Variants in SNTG1 observed in about 807,000 individuals in gnomAD.
SNTG1 encodes the protein gamma-1-syntrophin.
SNTG1 carries 39 observed loss-of-function variants against 74.7 expected under a neutral mutation model. The observed-to-expected ratio is 0.52, with a 90% CI of 0.40 to 0.68. The LOEUF is 0.68. Ranked by LOEUF, SNTG1 falls within the 30% of genes least tolerant of loss-of-function variation. SNTG1 has a pLI of 0.00. For synonymous variants in SNTG1, 254 were observed against 217.1 expected, an observed-to-expected ratio of 1.17 and a Z score of -1.49; for missense variants, 685 against 609.5, an observed-to-expected ratio of 1.12 and a Z score of -1.30.
At chr8:50,097,812 A>G (rs2079986020) in intron 1 of SNTG1, among the ~76,000 whole-genome samples, 1 of 152,246 alleles carries the variant, frequency 6.6e-6, no homozygotes, top group Non-Finnish European at 1.5e-5. Flanking sequence ...GAGTCTTGGC[A>G]GTACCAGATA....
chr8:50,588,365 C>A lies in SNTG1; in HGVS notation c.811-2514C>A, dbSNP rs867965814. ...AAAATTTCTGAATACAATGGAAGCA[C>A]ATTTCTTGCTGCCACAGTGAGGGTA... On this transcript the variant is annotated intron_variant, in intron 12 of 18. Transcript: ENST00000642720. 1.1e-4 allele frequency among the ~76,000 whole-genome samples: 16 copies of A among 152,032 alleles called. No individual in the cohort carries two copies. In the East Asian group the frequency reaches 1.2e-3, roughly 11 times the overall value.
chr8:49,929,984 T>C (rs2129354962), intron 1 of SNTG1, among the ~76,000 whole-genome samples: 1 of 148,768 alleles, frequency 6.7e-6, no homozygotes, highest in Non-Finnish European at 1.5e-5. Flanking sequence ...AAAACCAAAA[T>C]AACAAAACAA....
intron 1 of SNTG1, among the ~76,000 whole-genome samples, chr8:50,154,827 G>A (rs769269922): frequency 1.4e-4 from 22 of 152,132 alleles, no homozygotes; most frequent in South Asian, 4.1e-4. Context: ...GAAATGTGGC[G>A]TGTTGGATGA....
At chr8:50,571,895 C>A (rs1161973761) in intron 12 of SNTG1, among the ~76,000 whole-genome samples, 1 of 152,078 alleles carries the variant, frequency 6.6e-6, no homozygotes, top group African/African-American at 2.4e-5. Context: ...GTTTTAGAAA[C>A]CCCTCATTCT....
At chr8:50,494,492 A>G (rs1487225106) in intron 8 of SNTG1, among the ~76,000 whole-genome samples, 2 of 151,986 alleles carry the variant, frequency 1.3e-5, no homozygotes, top group African/African-American at 4.8e-5. Flanking sequence ...GGTAAAACTC[A>G]GTTTTATCAC....
intron 2 of SNTG1, among the ~76,000 whole-genome samples, chr8:50,244,832 A>C (rs772584245): frequency 6.6e-6 from 1 of 152,210 alleles, no homozygotes; most frequent in African/African-American, 2.4e-5. Context: ...ATCACAGAAT[A>C]GATGCTAGAT....
intron 2 of SNTG1, among the ~76,000 whole-genome samples, chr8:50,330,182 G>A (rs562321206): frequency 6.6e-6 from 1 of 152,128 alleles, no homozygotes; most frequent in Non-Finnish European, 1.5e-5. Flanking sequence ...GTGATAGTGA[G>A]TGAGTTCACA....
chr8:50,450,419 T>C, intron 6 of SNTG1, 137 bp from the exon 7 acceptor site: 1 of 834,960 alleles, frequency 1.2e-6, no homozygotes, highest in Non-Finnish European at 1.8e-6. Flanking sequence ...CCATTTTTTG[T>C]GGATCTTTTA....
intron 1 of SNTG1, among the ~76,000 whole-genome samples, chr8:50,042,042 A>C (rs909571596): frequency 6.6e-6 from 1 of 152,166 alleles, no homozygotes; most frequent in African/African-American, 2.4e-5. Flanking sequence ...ACCCTGATAA[A>C]CCAATTATAA....
At chr8:50,668,588 G>C (rs984618568) in intron 15 of SNTG1, among the ~76,000 whole-genome samples, 1 of 151,258 alleles carries the variant, frequency 6.6e-6, no homozygotes, top group Non-Finnish European at 1.5e-5. Flanking sequence ...TTCTTACCTA[G>C]GTATACGTGT....
intron 8 of SNTG1, among the ~76,000 whole-genome samples, chr8:50,483,970 T>C (rs982141835): frequency 2.6e-5 from 4 of 152,224 alleles, no homozygotes; most frequent in African/African-American, 9.6e-5. Context: ...ATTATGAATT[T>C]AGAGTGAATA....
chr8:50,142,454 A>C (rs2081696453), intron 1 of SNTG1, among the ~76,000 whole-genome samples: 1 of 147,030 alleles, frequency 6.8e-6, no homozygotes, highest in Non-Finnish European at 1.5e-5. Flanking sequence ...ACTTTTTAAC[A>C]CAAACCTGCA....
intron 2 of SNTG1, among the ~76,000 whole-genome samples, chr8:50,335,378 A>T (rs1391552256): frequency 6.6e-6 from 1 of 152,194 alleles, no homozygotes; most frequent in African/African-American, 2.4e-5. Context: ...TCAGCAGAGC[A>T]CTGTTTCCTG....
At chr8:49,925,697 A>G (rs1806959269) in intron 1 of SNTG1, among the ~76,000 whole-genome samples, 1 of 152,212 alleles carries the variant, frequency 6.6e-6, no homozygotes, top group Non-Finnish European at 1.5e-5. Flanking sequence ...TATGGTATGT[A>G]GCATTTGAGA....
chr8:50,003,488 T>C (rs1226853168), intron 1 of SNTG1, among the ~76,000 whole-genome samples: 2 of 152,124 alleles, frequency 1.3e-5, no homozygotes, highest in Non-Finnish European at 2.9e-5. Context: ...AACATTCTAC[T>C]TTATTTAATT....
intron 2 of SNTG1, among the ~76,000 whole-genome samples, chr8:50,189,792 A>T (rs992332935): frequency 1.3e-5 from 2 of 152,182 alleles, no homozygotes; most frequent in African/African-American, 4.8e-5. Flanking sequence ...TATTTTAGGC[A>T]TAAAATATAG....
chr8:50,511,281 G>C (rs942853532), intron 9 of SNTG1, among the ~76,000 whole-genome samples: 20 of 152,078 alleles, frequency 1.3e-4, no homozygotes, highest in Admixed American at 1.1e-3. Context: ...GTCTGAGAGA[G>C]AGTTTGTTAT....
In SNTG1 at chr8:50,792,686, A is replaced by G. The variant is rs1449645889; in HGVS notation, c.1411A>G (p.Asn471Asp). The G allele has an allele frequency of 3.7e-6, 6 of 1,608,722 alleles. No individual in the cohort carries two copies. In the South Asian group the frequency reaches 5.5e-5, roughly 15 times the overall value. The change falls in exon 19 of 19, where the codon AAT becomes GAT. Residue 471 changes from asparagine (N) to aspartate (D), a missense_variant. Transcript: ENST00000642720. ...QIEAKELEFS[N>D]LFAVLHCIHS... ...TCCCTTTCAGGAGTTGGAATTTTCTAATTTATTTGCTGTTCTTCACTGCAT... is the reference window on the plus strand; with the variant it reads ...TCCCTTTCAGGAGTTGGAATTTTCTGATTTATTTGCTGTTCTTCACTGCAT...
intron 2 of SNTG1, among the ~76,000 whole-genome samples, chr8:50,379,757 T>C (rs992023958): frequency 6.6e-6 from 1 of 152,240 alleles, no homozygotes; most frequent in Non-Finnish European, 1.5e-5. Context: ...CAGGTGAAAG[T>C]TACAAGGTGC....
Sources: allele counts gnomAD v4.1 joint callset (sites outside exome capture counted in the v4.1 genomes callset), GRCh38; gene constraint gnomAD v4.1.1; transcripts MANE v1.5; gene names NCBI Gene and HGNC (gene_info 2026-07-23, HGNC 2026-07-21).